HECW1: variants seen among roughly 807,000 people sequenced by gnomAD.
The protein encoded by HECW1 is HECT, C2 and WW domain containing E3 ubiquitin protein ligase 1, also known as E3 ubiquitin-protein ligase HECW1.
A neutral mutation model predicts 182.3 loss-of-function variants in HECW1; 61 were observed. The observed-to-expected ratio is 0.33, with a 90% CI of 0.27 to 0.41. The LOEUF is 0.41. Ranked by LOEUF, HECW1 falls within the 10% of genes least tolerant of loss-of-function variation. The pLI is 1.00. For synonymous variants in HECW1, 859 were observed against 832.6 expected, an observed-to-expected ratio of 1.03 and a Z score of -0.55; for missense variants, 1,739 against 2,108.9, an observed-to-expected ratio of 0.82 and a Z score of 3.44.
intron 1 of HECW1, 163 bp from the exon 2 acceptor site, chr7:43,113,994 A>G (rs573265153): frequency 6.1e-6 from 2 of 330,326 alleles, no homozygotes; most frequent in Admixed American, 4.5e-5. Flanking sequence ...TTCCGGGCAC[A>G]GCGCGCCTCA....
chr7:43,417,175 C>G (rs563755699), intron 8 of HECW1, among the ~76,000 whole-genome samples: 3 of 152,274 alleles, frequency 2.0e-5, no homozygotes, highest in East Asian at 3.9e-4. Flanking sequence ...CTCAACCTCC[C>G]GAGTAGCTGG....
intron 3 of HECW1, among the ~76,000 whole-genome samples, chr7:43,255,598 A>C (rs1800482013): frequency 8.8e-6 from 1 of 113,240 alleles, no homozygotes; most frequent in Non-Finnish European, 1.6e-5. Flanking sequence ...ACTCTGTCTA[A>C]AAAAAAAAAA....
chr7:43,524,533 G>T (rs1369706323), intron 24 of HECW1, among the ~76,000 whole-genome samples: 1 of 152,200 alleles, frequency 6.6e-6, no homozygotes, highest in East Asian at 1.9e-4. Context: ...AAATGTAATA[G>T]AACTTAGCAA....
chr7:43,463,711 T>C lies in HECW1; in HGVS notation c.2703T>C (p.Ser901=), dbSNP rs2077663717. ...CAACAGAGAGGTCCGAAGAAGATTC[T>C]GGCAGCCAAAGCTGCGAGCAAGCCC... ...TIATERSEED[S]GSQSCEQAPA... Residue 901 remains serine, a synonymous_variant, in exon 14 of 30, where the codon TCT becomes TCC. Transcript: ENST00000395891. The C allele has an allele frequency of 1.9e-6, 3 of 1,613,968 alleles. No individual in the cohort carries two copies. Among genetic ancestry groups the C allele is most frequent in the Admixed American group, 1.7e-5 (1 of 60,002 alleles).
intron 8 of HECW1, among the ~76,000 whole-genome samples, chr7:43,425,335 T>TAGAC (rs1183996724): frequency 2.0e-4 from 31 of 152,052 alleles, no homozygotes; most frequent in African/African-American, 7.0e-4. Flanking sequence ...GATAGATAGA[T>TAGAC]AGATAGATGC....
chr7:43,189,189 G>C lies in HECW1; in HGVS notation c.-31-54686G>C, dbSNP rs139377891. 1.6e-3 allele frequency among the ~76,000 whole-genome samples: 250 copies of C among 152,248 alleles called. 1 individual carries two copies. The South Asian group carries it at 0.023, about 14-fold the overall frequency. ...ATATTATAAAATATAAGGACAGAAA[G>C]AAAGAACAAATCTCTTTTAAAATTG... On this transcript the variant is annotated intron_variant, in intron 2 of 29. Coordinates refer to ENST00000395891, the MANE Select transcript of HECW1 (RefSeq NM_015052.5).
chr7:43,539,201 G>A (rs1165839481), intron 24 of HECW1, among the ~76,000 whole-genome samples: 2 of 152,176 alleles, frequency 1.3e-5, no homozygotes, highest in South Asian at 2.1e-4. Context: ...TTATGTACAA[G>A]TGCAATTTCT....
At chr7:43,153,805 A>T (rs1789599523) in intron 2 of HECW1, among the ~76,000 whole-genome samples, 1 of 152,184 alleles carries the variant, frequency 6.6e-6, no homozygotes, top group African/African-American at 2.4e-5. Context: ...GAGTTGTGAG[A>T]ATCAGAAAGA....
At chr7:43,139,190 TG>T (rs1787896399) in intron 2 of HECW1, among the ~76,000 whole-genome samples, 1 of 152,222 alleles carries the variant, frequency 6.6e-6, no homozygotes, top group Non-Finnish European at 1.5e-5. Flanking sequence ...CTAGGGGGGC[TG>T]CCACAGCATC....
intron 2 of HECW1, among the ~76,000 whole-genome samples, chr7:43,120,632 CTATT>C (rs55689806): frequency 6.6e-6 from 1 of 151,640 alleles, no homozygotes; most frequent in African/African-American, 2.4e-5. Context: ...TAAATCCCCT[CTATT>C]TATTTATTTA....
At chr7:43,539,226 T>C (rs964253625) in intron 24 of HECW1, among the ~76,000 whole-genome samples, 1 of 152,226 alleles carries the variant, frequency 6.6e-6, no homozygotes. Flanking sequence ...TTTTCTTTCT[T>C]GTTGTATCTT....
intron 28 of HECW1, among the ~76,000 whole-genome samples, chr7:43,553,735 C>A (rs1292725902): frequency 6.6e-6 from 1 of 150,944 alleles, no homozygotes; most frequent in Non-Finnish European, 1.5e-5. Context: ...CGGAAATATT[C>A]CTTCCTGCCT....
intron 2 of HECW1, among the ~76,000 whole-genome samples, chr7:43,155,580 A>T: frequency 6.6e-6 from 1 of 152,348 alleles, no homozygotes; most frequent in Admixed American, 6.5e-5. Context: ...TGTATTATTG[A>T]AATGCTTTGT....
At chr7:43,355,307 T>C (rs910634083) in intron 5 of HECW1, among the ~76,000 whole-genome samples, 3 of 152,216 alleles carry the variant, frequency 2.0e-5, no homozygotes, top group Non-Finnish European at 2.9e-5. Flanking sequence ...AATTGTGGTG[T>C]GCAATCTATT....
intron 3 of HECW1, among the ~76,000 whole-genome samples, chr7:43,309,363 G>A (rs1336147723): frequency 1.3e-5 from 2 of 152,138 alleles, no homozygotes; most frequent in African/African-American, 2.4e-5. Flanking sequence ...AAATGTCATC[G>A]TTCCAATCCA....
chr7:43,205,039 A>G (rs1795335567), intron 2 of HECW1, among the ~76,000 whole-genome samples: 1 of 152,164 alleles, frequency 6.6e-6, no homozygotes, highest in South Asian at 2.1e-4. Context: ...ATGCCCTAAG[A>G]AAGTGAGCTC....
At chr7:43,114,429 GTGTT>G in intron 2 of HECW1, 38 bp downstream of exon 2, 1 of 1,328,008 alleles carries the variant, frequency 7.5e-7, no homozygotes, top group Non-Finnish European at 9.9e-7. Flanking sequence ...TTAAAAATGT[GTGTT>G]TTCCACTAAG....
At chr7:43,422,927 C>G (rs200566652) in intron 8 of HECW1, among the ~76,000 whole-genome samples, 1 of 151,392 alleles carries the variant, frequency 6.6e-6, no homozygotes, top group African/African-American at 2.4e-5. Context: ...CAGTGCCTGG[C>G]CGAGAGTCGT....
intron 16 of HECW1, among the ~76,000 whole-genome samples, chr7:43,470,584 C>T (rs2077979681): frequency 6.6e-6 from 1 of 152,178 alleles, no homozygotes; most frequent in African/African-American, 2.4e-5. Context: ...AGTTTTGTTC[C>T]ATTTGGGAAT....
Sources: allele counts gnomAD v4.1 joint callset (sites outside exome capture counted in the v4.1 genomes callset), GRCh38; gene constraint gnomAD v4.1.1; transcripts MANE v1.5; gene names NCBI Gene and HGNC (gene_info 2026-07-23, HGNC 2026-07-21).